MAGI3: variants seen among roughly 807,000 people sequenced by gnomAD.
MAGI3 encodes membrane associated guanylate kinase, WW and PDZ domain containing 3.
MAGI3 carries 43 observed loss-of-function variants against 121.8 expected under a neutral mutation model. The observed-to-expected ratio is 0.35, with a 90% CI of 0.28 to 0.46. MAGI3 has a LOEUF of 0.46. Ranked by LOEUF, MAGI3 falls within the 20% of genes least tolerant of loss-of-function variation. The pLI is 1.00. For synonymous variants in MAGI3, 553 were observed against 639.3 expected (o/e 0.86, Z 2.04); for missense variants, 1,547 against 1,797.3 (o/e 0.86, Z 2.52).
intron 1 of MAGI3, among the ~76,000 whole-genome samples, chr1:113,494,947 T>C (rs1018281483): frequency 2.4e-4 from 37 of 152,318 alleles, no homozygotes; most frequent in African/African-American, 8.4e-4. Flanking sequence ...AATTTAAATA[T>C]GTCCTCAAAA....
At chr1:113,563,464 T>C (rs1016155844) in intron 2 of MAGI3, among the ~76,000 whole-genome samples, 17 of 152,196 alleles carry the variant, frequency 1.1e-4, no homozygotes, top group African/African-American at 4.1e-4. Flanking sequence ...TTTTTCTTTT[T>C]GCTCCTGCTA....
chr1:113,449,770 C>T, intron 1 of MAGI3: 3 of 1,063,910 alleles, frequency 2.8e-6, no homozygotes, highest in Non-Finnish European at 4.3e-6. Context: ...AGCTTTGAAA[C>T]TACAGATGAT....
Position 113,642,657 on chromosome 1 carries a change from A to G in MAGI3, c.1966+141A>G, listed in dbSNP as rs1041341482. The G allele has an allele frequency of 4.3e-6, 4 of 920,324 alleles. No homozygotes were observed. In the African/African-American group the frequency reaches 6.7e-5, roughly 15 times the overall value. The allele number at this position is 920,324 out of a possible 1,614,324, so 57.0% of individuals were successfully genotyped here. A position where few individuals can be genotyped will look rare whatever the true frequency, so the allele number is the denominator to read the frequency against. On this transcript the variant is annotated intron_variant, in intron 10 of 20. Transcript: ENST00000307546. The stretch of plus-strand genomic sequence containing the variant: ...TGCATTTTCCTTAAGGTTCTGTCTG[A>G]TTGTTTCCATAAGCAGTGTCTTTTT...
intron 1 of MAGI3, among the ~76,000 whole-genome samples, chr1:113,412,545 C>A (rs1024783369): frequency 5.3e-5 from 8 of 152,060 alleles, no homozygotes; most frequent in Middle Eastern, 3.4e-3. Flanking sequence ...TTGTTTCCTG[C>A]CTTTTTAATG....
intron 1 of MAGI3, among the ~76,000 whole-genome samples, chr1:113,396,413 T>C (rs1651120750): frequency 6.6e-6 from 1 of 152,070 alleles, no homozygotes; most frequent in African/African-American, 2.4e-5. Flanking sequence ...GAGCAATAAT[T>C]TTCTTGAAAT....
At position 113,416,381 on chromosome 1, in the gene MAGI3, A is replaced by C. The variant is rs1376048971; in HGVS notation, c.316+25032A>C. On this transcript the variant is annotated intron_variant, in intron 1 of 20. Coordinates refer to ENST00000307546, the MANE Select transcript of MAGI3 (RefSeq NM_001142782.2). The stretch of plus-strand genomic sequence containing the variant: ...TAATTTATATTATATTAATATATTA[A>C]TAATATATATTAATTATTAATTAAT... Among the ~76,000 whole-genome samples the C allele has an allele frequency of 3.7e-3, 295 of 80,126 alleles. 1 individual carries two copies. The highest frequency in any genetic ancestry group is 0.012 in the African/African-American group (284 of 22,730). 52.6% of individuals were successfully genotyped at this position (80,126 alleles called of 152,430 possible). A position where few individuals can be genotyped will look rare whatever the true frequency, so the allele number is the denominator to read the frequency against.
intron 1 of MAGI3, among the ~76,000 whole-genome samples, chr1:113,513,214 G>C (rs372175274): frequency 9.7e-4 from 147 of 152,168 alleles, no homozygotes; most frequent in East Asian, 3.7e-3. Context: ...AGGTAATTTA[G>C]AGATTCAATG....
chr1:113,675,357 G>A (rs1220773202), intron 19 of MAGI3, among the ~76,000 whole-genome samples: 1 of 152,206 alleles, frequency 6.6e-6, no homozygotes, highest in East Asian at 1.9e-4. Flanking sequence ...AATGAGGGAT[G>A]AAGGAAAAGG....
intron 1 of MAGI3, among the ~76,000 whole-genome samples, chr1:113,512,550 T>C (rs1397055696): frequency 1.3e-5 from 2 of 152,230 alleles, no homozygotes; most frequent in Non-Finnish European, 2.9e-5. Context: ...TTTTAAAGCC[T>C]GTTCTTTTCA....
intron 1 of MAGI3, among the ~76,000 whole-genome samples, chr1:113,507,173 G>A (rs528125939): frequency 1.3e-5 from 2 of 151,934 alleles, no homozygotes; most frequent in Admixed American, 6.6e-5. Context: ...GAGAGAGAGA[G>A]AAAAAATAAT....
At chr1:113,513,113 A>G (rs1657701352) in intron 1 of MAGI3, among the ~76,000 whole-genome samples, 1 of 152,168 alleles carries the variant, frequency 6.6e-6, no homozygotes, top group Non-Finnish European at 1.5e-5. Context: ...ACCACTGCTC[A>G]ATGAAATAAA....
At chr1:113,517,430 A>G (rs927489953) in intron 1 of MAGI3, among the ~76,000 whole-genome samples, 4 of 145,030 alleles carry the variant, frequency 2.8e-5, no homozygotes, top group Middle Eastern at 3.2e-3. Flanking sequence ...TACCATAGAG[A>G]AAAAAAGTAT....
chr1:113,515,615 A>G (rs1657859821), intron 1 of MAGI3, among the ~76,000 whole-genome samples: 1 of 152,116 alleles, frequency 6.6e-6, no homozygotes, highest in South Asian at 2.1e-4. Flanking sequence ...GGGTTCAGAG[A>G]GAGAAGTATT....
rs553237835 is a variant in MAGI3, at chr1:113,541,073, A to G, written c.317-8442A>G. On this transcript the variant is annotated intron_variant, in intron 1 of 20. Coordinates refer to ENST00000307546, the MANE Select transcript of MAGI3 (RefSeq NM_001142782.2). ...GATTATAAATGCATTAAAAAATAAT[A>G]AAGGAAGGATGAAGTGGAGGAATGT... 4.0e-5 allele frequency among the ~76,000 whole-genome samples: 6 copies of G among 151,552 alleles called. No homozygotes were observed. The East Asian group carries it at 1.2e-3, about 29-fold the overall frequency.
Position 113,633,238 on chromosome 1 carries a change from A to ATTTTTTTTT in MAGI3, c.1361-8640_1361-8632dup, listed in dbSNP as rs71090716. 4.8e-4 allele frequency among the ~76,000 whole-genome samples: 27 copies of ATTTTTTTTT among 56,670 alleles called. 10 individuals carry two copies. Among genetic ancestry groups the ATTTTTTTTT allele is most frequent in the East Asian group, 1.3e-3 (2 of 1,546 alleles). The allele number at this position is 56,670 out of a possible 152,430, so 37.2% of individuals were successfully genotyped here. On this transcript the variant is annotated intron_variant, in intron 9 of 20. Transcript: ENST00000307546. ...TCCCTACAAAGGACATGAACTCATC[A>ATTTTTTTTT]TTTTTTTTTTTTTTTTTTTTTTTTT...
chr1:113,669,108 G>A (rs1278945040), intron 16 of MAGI3, among the ~76,000 whole-genome samples: 1 of 152,100 alleles, frequency 6.6e-6, no homozygotes, highest in Non-Finnish European at 1.5e-5. Context: ...TCATCTCATT[G>A]GCAAATGGAA....
intron 1 of MAGI3, among the ~76,000 whole-genome samples, chr1:113,445,451 T>TA (rs544565113): frequency 6.6e-6 from 1 of 151,496 alleles, no homozygotes; most frequent in Non-Finnish European, 1.5e-5. Context: ...AAAATAATAA[T>TA]AAAAAAAATG....
chr1:113,553,539 G>T (rs1313082506), intron 2 of MAGI3, among the ~76,000 whole-genome samples: 1 of 152,182 alleles, frequency 6.6e-6, no homozygotes, highest in Non-Finnish European at 1.5e-5. Flanking sequence ...CTTGGTGGAA[G>T]AATCCCATAA....
chr1:113,619,050 G>A (rs893727418), intron 7 of MAGI3, among the ~76,000 whole-genome samples: 5 of 152,086 alleles, frequency 3.3e-5, no homozygotes, highest in African/African-American at 9.7e-5. Context: ...ATCTCCTAGC[G>A]GCTAGTCTCC....
Sources: gnomAD v4.1 joint callset for allele counts (sites outside exome capture counted in the v4.1 genomes callset) on GRCh38, gnomAD v4.1.1 for gene constraint, MANE v1.5 for transcripts, NCBI Gene and HGNC (gene_info 2026-07-23, HGNC 2026-07-21) for gene names.